Variants in CDH9 observed in about 807,000 individuals in gnomAD.
CDH9 encodes the protein cadherin-9.
Under a neutral mutation model 70.9 loss-of-function variants are expected in CDH9, and 28 were observed. The observed-to-expected ratio is 0.40, with a 90% CI of 0.29 to 0.54. CDH9 has a LOEUF of 0.54. Among genes scored for constraint, CDH9 ranks in the 20% least tolerant of loss-of-function variants. The pLI, the probability that CDH9 is intolerant of heterozygous loss-of-function variation, is 0.59. For synonymous variants in CDH9, 409 were observed against 343.1 expected (o/e 1.19, Z -2.12); for missense variants, 874 against 984.4 (o/e 0.89, Z 1.50).
intron 11 of CDH9, among the ~76,000 whole-genome samples, chr5:26,882,819 TAAAC>T (rs1270596526): frequency 6.6e-6 from 1 of 151,412 alleles, no homozygotes; most frequent in Non-Finnish European, 1.5e-5. Flanking sequence ...ACATTGAGAT[TAAAC>T]AAAGCATACT....
At chr5:26,912,118 C>A (rs989027532) in intron 3 of CDH9, among the ~76,000 whole-genome samples, 5 of 152,046 alleles carry the variant, frequency 3.3e-5, no homozygotes, top group African/African-American at 1.2e-4. Flanking sequence ...CTAATACTTG[C>A]AGTTTTTAAC....
chr5:26,955,407 G>A (rs981251361), intron 2 of CDH9, among the ~76,000 whole-genome samples: 1 of 152,172 alleles, frequency 6.6e-6, no homozygotes, highest in African/African-American at 2.4e-5. Context: ...TATCAGCAGG[G>A]CCACATTCCT....
At chr5:26,963,747 A>G (rs1243957391) in intron 2 of CDH9, among the ~76,000 whole-genome samples, 1 of 152,144 alleles carries the variant, frequency 6.6e-6, no homozygotes, top group East Asian at 1.9e-4. Context: ...AAAAAAAGAT[A>G]CATCATTTCA....
intron 2 of CDH9, among the ~76,000 whole-genome samples, chr5:26,931,713 C>T (rs1044740346): frequency 2.0e-5 from 3 of 151,884 alleles, no homozygotes; most frequent in South Asian, 2.1e-4. Flanking sequence ...CAGAAGAATG[C>T]GTGCTATGAA....
rs544363888 is a variant in CDH9, at chr5:26,947,498, T to C, written c.229-31574A>G. Among the ~76,000 whole-genome samples, 159 of 152,200 alleles carry C rather than the reference T, an allele frequency of 1.0e-3. 1 individual carries two copies. The highest frequency in any genetic ancestry group is 3.8e-3 in the African/African-American group (157 of 41,518). On this transcript the variant is annotated intron_variant, in intron 2 of 11. Transcript: ENST00000231021. Reference sequence around the variant, plus strand: ...GGCTACTTAGCAGAGACCTCTTGAGTTTTTGACACCAAAGGTTGCCTAAGG... The same window carrying C: ...GGCTACTTAGCAGAGACCTCTTGAGCTTTTGACACCAAAGGTTGCCTAAGG...
chr5:26,938,409 C>T (rs1048435827), intron 2 of CDH9, among the ~76,000 whole-genome samples: 1 of 151,718 alleles, frequency 6.6e-6, no homozygotes, highest in African/African-American at 2.4e-5. Context: ...AAATCTTGCT[C>T]AACACATTAT....
At chr5:27,021,055 A>C (rs1445756085) in intron 1 of CDH9, among the ~76,000 whole-genome samples, 1 of 151,756 alleles carries the variant, frequency 6.6e-6, no homozygotes, top group Non-Finnish European at 1.5e-5. Flanking sequence ...GAAAATGATT[A>C]TTTTATAGAG....
chr5:26,892,678 A>G (rs1740680102), intron 7 of CDH9, among the ~76,000 whole-genome samples: 1 of 151,906 alleles, frequency 6.6e-6, no homozygotes, highest in Non-Finnish European at 1.5e-5. Flanking sequence ...AGTAATAGAC[A>G]TTTAGGTTTT....
At chr5:26,890,994 GA>G (rs1371769488) in intron 7 of CDH9, among the ~76,000 whole-genome samples, 3 of 152,188 alleles carry the variant, frequency 2.0e-5, no homozygotes, top group Non-Finnish European at 2.9e-5. Flanking sequence ...TGAATATCGA[GA>G]AGGCTATTAT....
Position 26,881,460 on chromosome 5 carries a change from T to C in CDH9, c.2046A>G (p.Ala682=). 1 of 1,613,792 alleles carries C rather than the reference T, an allele frequency of 6.2e-7. No individual in the cohort carries two copies. The highest frequency in any genetic ancestry group is 1.7e-5 in the Admixed American group (1 of 59,954). Residue 682 remains alanine, a synonymous_variant, in exon 12 of 12, where the codon GCA becomes GCG. Coordinates refer to ENST00000231021, the MANE Select transcript of CDH9 (RefSeq NM_016279.4). The part of the protein sequence containing the change: ...FDIGTLRNPE[A]REDSKLRRDV... Reference sequence around the variant, plus strand: ...CCCGTCTAAGTTTACTGTCTTCTCTTGCCTCTGGATTCCTTAATGTGCCAA... The same window carrying C: ...CCCGTCTAAGTTTACTGTCTTCTCTCGCCTCTGGATTCCTTAATGTGCCAA...
At chr5:26,966,907 C>G (rs1742138561) in intron 2 of CDH9, among the ~76,000 whole-genome samples, 1 of 151,962 alleles carries the variant, frequency 6.6e-6, no homozygotes, top group Non-Finnish European at 1.5e-5. Flanking sequence ...CTTCTCTCTG[C>G]TTTAAAAAAT....
At chr5:26,924,773 G>C (rs1436504903) in intron 2 of CDH9, among the ~76,000 whole-genome samples, 1 of 151,882 alleles carries the variant, frequency 6.6e-6, no homozygotes, top group Non-Finnish European at 1.5e-5. Context: ...TCATTGTTCA[G>C]TTCCCACCTA....
intron 2 of CDH9, among the ~76,000 whole-genome samples, chr5:26,945,491 T>G (rs570806638): frequency 1.1e-4 from 17 of 152,264 alleles, no homozygotes; most frequent in African/African-American, 3.8e-4. Context: ...TGCTTTATGT[T>G]TATAAATATG....
chr5:26,992,256 C>A (rs1367633689), intron 1 of CDH9, among the ~76,000 whole-genome samples: 5 of 152,110 alleles, frequency 3.3e-5, no homozygotes. Flanking sequence ...GGGACCAGTA[C>A]TGGTGTGCAG....
Position 26,915,916 on chromosome 5 carries a change from A to T in CDH9, c.237T>A (p.Thr79=), listed in dbSNP as rs776003720. ...TDTQYVGKLH[T]DQDKGDGNLK... ...AATTTCCATCTCCTTTATCTTGGTC[A>T]GTGTGAAGCTTTAGAGAGGTAGAAA... The change falls in exon 3 of 12, where the codon ACT becomes ACA. Residue 79 remains threonine (T), a synonymous_variant. Transcript: ENST00000231021. The T allele has an allele frequency of 5.0e-6, 8 of 1,601,368 alleles. No homozygotes were observed. The highest frequency in any genetic ancestry group is 6.8e-6 in the Non-Finnish European group (8 of 1,171,906).
chr5:26,923,165 A>T (rs888702291), intron 2 of CDH9, among the ~76,000 whole-genome samples: 3 of 151,542 alleles, frequency 2.0e-5, no homozygotes, highest in Admixed American at 6.6e-5. Context: ...TGTATTCAGG[A>T]AACACTACAT....
chr5:26,977,551 T>C (rs1742324647), intron 2 of CDH9, among the ~76,000 whole-genome samples: 1 of 149,884 alleles, frequency 6.7e-6, no homozygotes, highest in African/African-American at 2.5e-5. Flanking sequence ...CTGGAAAGAT[T>C]ACAAGCAAAT....
intron 9 of CDH9, among the ~76,000 whole-genome samples, chr5:26,889,511 A>C (rs1740619030): frequency 6.6e-6 from 1 of 152,258 alleles, no homozygotes; most frequent in South Asian, 2.1e-4. Flanking sequence ...ATATATTTTC[A>C]TTCTATTAGT....
chr5:27,035,480 T>A (rs1008140115), intron 1 of CDH9, among the ~76,000 whole-genome samples: 1 of 151,740 alleles, frequency 6.6e-6, no homozygotes, highest in African/African-American at 2.4e-5. Context: ...AAATTTAGCA[T>A]CAGGTAAAAA....
Sources: allele counts gnomAD v4.1 joint callset (sites outside exome capture counted in the v4.1 genomes callset), GRCh38; gene constraint gnomAD v4.1.1; transcripts MANE v1.5; gene names NCBI Gene and HGNC (gene_info 2026-07-23, HGNC 2026-07-21).